The following ARHGAP39 variants were observed in gnomAD, a reference collection of about 807,000 sequenced individuals.
The protein encoded by ARHGAP39 is rho GTPase-activating protein 39.
ARHGAP39 carries 44 observed loss-of-function variants against 106.9 expected under a neutral mutation model. That is an observed-to-expected ratio of 0.41 (90% CI 0.32 to 0.53). The LOEUF is 0.53. Ranked by LOEUF, ARHGAP39 falls within the 20% of genes least tolerant of loss-of-function variation. The probability of loss-of-function intolerance (pLI) is 0.21; values close to 1 mark genes in which losing one functional copy is unlikely to be tolerated. For missense variants in ARHGAP39, 1,496 were observed against 1,577.3 expected (o/e 0.95, Z 0.87); for synonymous variants, 768 against 693.2 (o/e 1.11, Z -1.69).
intron 7 of ARHGAP39, among the ~76,000 whole-genome samples, chr8:144,536,205 G>A (rs1816947085): frequency 6.6e-6 from 1 of 152,166 alleles, no homozygotes; most frequent in Non-Finnish European, 1.5e-5. Context: ...CTGTAGGCAA[G>A]CCCAGGAGGG....
chr8:144,630,562 G>A (rs147336488), intron 1 of ARHGAP39, among the ~76,000 whole-genome samples: 93 of 152,348 alleles, frequency 6.1e-4, no homozygotes, highest in African/African-American at 2.1e-3. Flanking sequence ...CAGTGACCGA[G>A]ACACTGAGCT....
chr8:144,621,998 CAA>C (rs1229946176), intron 1 of ARHGAP39, among the ~76,000 whole-genome samples: 1 of 152,002 alleles, frequency 6.6e-6, no homozygotes, highest in African/African-American at 2.4e-5. Flanking sequence ...TTAAGGGTGA[CAA>C]AGAAAATAAT....
At chr8:144,693,354 C>T in the ARHGAP39 span, among the ~76,000 whole-genome samples, 7 of 151,644 alleles carry the variant, frequency 4.6e-5, no homozygotes, top group Admixed American at 2.6e-4. Context: ...TGAGCCACCG[C>T]GCCCGGCAGT....
At chr8:144,530,677 C>T (rs1310716993) in intron 11 of ARHGAP39, 25 bp downstream of exon 11, 8 of 1,545,894 alleles carry the variant, frequency 5.2e-6, no homozygotes, top group Non-Finnish European at 7.0e-6. Flanking sequence ...GGGAAAGCAG[C>T]GGGGACCCCC....
At chr8:144,660,480 T>C (rs1056444461) in intron 1 of ARHGAP39, among the ~76,000 whole-genome samples, 3 of 152,214 alleles carry the variant, frequency 2.0e-5, no homozygotes, top group African/African-American at 7.2e-5. Flanking sequence ...GGAACTGCAC[T>C]GTGCAACACA....
chr8:144,574,477 T>C, intron 3 of ARHGAP39, among the ~76,000 whole-genome samples: 1 of 152,240 alleles, frequency 6.6e-6, no homozygotes, highest in Middle Eastern at 3.4e-3. Context: ...GAGACCATCC[T>C]GGCTAACACG....
chr8:144,587,146 C>T (rs1040712803), intron 2 of ARHGAP39, among the ~76,000 whole-genome samples: 4 of 152,254 alleles, frequency 2.6e-5, no homozygotes, highest in African/African-American at 9.6e-5. Context: ...TGCCCGCAGC[C>T]ATGCGGAACT....
At chr8:144,533,439 C>T (rs375175584) in intron 8 of ARHGAP39, 114 bp from the exon 9 acceptor site, 3 of 1,039,636 alleles carry the variant, frequency 2.9e-6, no homozygotes, top group Admixed American at 2.1e-5. Context: ...AGAATTCCTG[C>T]CCCACACACC....
chr8:144,677,657 GA>G (rs1822278209), intron 1 of ARHGAP39, among the ~76,000 whole-genome samples: 1 of 151,996 alleles, frequency 6.6e-6, no homozygotes, highest in Non-Finnish European at 1.5e-5. Flanking sequence ...GCAAGGTTCA[GA>G]AACTTTTTAA....
chr8:144,689,991 C>T (rs1822711262), upstream of ARHGAP39, among the ~76,000 whole-genome samples: 1 of 152,116 alleles, frequency 6.6e-6, no homozygotes, highest in South Asian at 2.1e-4. Flanking sequence ...AGGTGATCTG[C>T]CTGCCTCAGC....
intron 2 of ARHGAP39, among the ~76,000 whole-genome samples, chr8:144,602,568 G>A (rs1230682646): frequency 2.9e-5 from 4 of 140,044 alleles, no homozygotes; most frequent in African/African-American, 1.1e-4. Context: ...GTGCGAGCTC[G>A]TGTACCTGTG....
chr8:144,579,185 G>C (rs572307695), intron 3 of ARHGAP39, among the ~76,000 whole-genome samples: 2 of 118,506 alleles, frequency 1.7e-5, no homozygotes, highest in African/African-American at 6.9e-5. Flanking sequence ...CTGGGCGACA[G>C]AGCGAGACTC....
chr8:144,529,284 A>G lies in ARHGAP39; in HGVS notation c.*1138T>C. On this transcript the variant is annotated 3_prime_UTR_variant, in exon 12 of 12. Coordinates refer to ENST00000377307, the MANE Select transcript of ARHGAP39 (RefSeq NM_025251.3). ...ACCGCAAAGGCCCCGGGACCACCCG[A>G]CTGAGGACGCCGCCCAGGCCTCGGC... The G allele has an allele frequency of 5.0e-6, 1 of 200,402 alleles. No homozygotes were observed. Among genetic ancestry groups the G allele is most frequent in the East Asian group, 1.1e-4 (1 of 8,860 alleles). The allele number at this position is 200,402 out of a possible 1,614,324, so 12.4% of individuals were successfully genotyped here.
upstream of ARHGAP39, among the ~76,000 whole-genome samples, chr8:144,690,342 A>T (rs1393450558): frequency 6.7e-6 from 1 of 148,422 alleles, no homozygotes; most frequent in Non-Finnish European, 1.5e-5. Flanking sequence ...TGAACTCCTG[A>T]CCTCCCACCC....
At chr8:144,531,067 A>G (rs1283296899) in intron 10 of ARHGAP39, among the ~76,000 whole-genome samples, 196 bp from the exon 11 acceptor site, 1 of 152,188 alleles carries the variant, frequency 6.6e-6, no homozygotes, top group Non-Finnish European at 1.5e-5. Flanking sequence ...CCTGAACTCG[A>G]TCCTGGAGGC....
intron 1 of ARHGAP39, among the ~76,000 whole-genome samples, chr8:144,660,301 A>G (rs1821791021): frequency 6.6e-6 from 1 of 152,188 alleles, no homozygotes; most frequent in Non-Finnish European, 1.5e-5. Context: ...GTTAAATAAT[A>G]TAAGATTATT....
intron 1 of ARHGAP39, among the ~76,000 whole-genome samples, chr8:144,617,490 C>T (rs1198695646): frequency 6.6e-6 from 1 of 152,010 alleles, no homozygotes; most frequent in East Asian, 1.9e-4. Context: ...GCGCCGCAAA[C>T]CAGGAGACCC....
chr8:144,674,836 G>C (rs1165418848), intron 1 of ARHGAP39, among the ~76,000 whole-genome samples: 6 of 152,194 alleles, frequency 3.9e-5, no homozygotes, highest in Non-Finnish European at 4.4e-5. Context: ...TGCCCCAAGT[G>C]CATGTACACC....
At chr8:144,661,112 GC>G (rs1416836828) in intron 1 of ARHGAP39, among the ~76,000 whole-genome samples, 2 of 152,154 alleles carry the variant, frequency 1.3e-5, no homozygotes, top group Non-Finnish European at 2.9e-5. Context: ...GGCCCTCTCA[GC>G]ACCGCCGTGA....
Sources: allele counts gnomAD v4.1 joint callset (sites outside exome capture counted in the v4.1 genomes callset), GRCh38; gene constraint gnomAD v4.1.1; transcripts MANE v1.5; gene names NCBI Gene and HGNC (gene_info 2026-07-23, HGNC 2026-07-21).